Variants in RAB9B observed in about 807,000 individuals in gnomAD.
The protein encoded by RAB9B is RAB9B, member RAS oncogene family, also known as ras-related protein Rab-9B.
Under a neutral mutation model 8.9 loss-of-function variants are expected in RAB9B, and 1 was observed. The observed-to-expected ratio is 0.11, with a 90% CI of 0.04 to 0.53. The LOEUF is 0.53. Among genes scored for constraint, RAB9B ranks in the 20% least tolerant of loss-of-function variants. The pLI, the probability that RAB9B is intolerant of heterozygous loss-of-function variation, is 0.93. For synonymous variants in RAB9B, 63 were observed against 57.0 expected, an observed-to-expected ratio of 1.10 and a Z score of -0.47; for missense variants, 82 against 152.9, an observed-to-expected ratio of 0.54 and a Z score of 2.45.
chrX:103,805,177 T>C, the RAB9B span, among the ~76,000 whole-genome samples: 26 of 112,179 alleles, frequency 2.3e-4, no homozygotes, highest in African/African-American at 8.4e-4. Flanking sequence ...GGAAATTCCC[T>C]GTATTCCTAG....
chrX:103,806,760 A>G, the RAB9B span, among the ~76,000 whole-genome samples: 1 of 111,360 alleles, frequency 9.0e-6, no homozygotes, highest in Admixed American at 9.6e-5. Context: ...TTTTTGCATT[A>G]TGTATTTTGA....
chrX:103,793,352 A>G, the RAB9B span, among the ~76,000 whole-genome samples: 3 of 112,281 alleles, frequency 2.7e-5, no homozygotes, highest in East Asian at 8.4e-4. Flanking sequence ...CCATAGTTGC[A>G]GCTGGCAAAT....
At chrX:103,785,136 C>T in the RAB9B span, among the ~76,000 whole-genome samples, 21 of 110,258 alleles carry the variant, frequency 1.9e-4, no homozygotes, top group East Asian at 2.8e-4. Flanking sequence ...AGTACAATGG[C>T]GCAATCTTGG....
downstream of RAB9B, among the ~76,000 whole-genome samples, chrX:103,821,358 A>G (rs370034080): frequency 4.6e-5 from 5 of 109,343 alleles, no homozygotes; most frequent in East Asian, 1.4e-3. Context: ...GTGGCAAAAA[A>G]AAAAAAAAAA....
chrX:103,811,927 CTCT>C, the RAB9B span, among the ~76,000 whole-genome samples: 1 of 107,651 alleles, frequency 9.3e-6, no homozygotes, highest in East Asian at 3.0e-4. Context: ...GATAGCTACC[CTCT>C]TCTTGTATCC....
the RAB9B span, among the ~76,000 whole-genome samples, chrX:103,799,110 G>T: frequency 9.2e-6 from 1 of 108,789 alleles, no homozygotes; most frequent in Admixed American, 1.0e-4. Context: ...TGAATATAAT[G>T]TCAATATTTA....
At chrX:103,814,549 A>C in the RAB9B span, among the ~76,000 whole-genome samples, 19 of 111,305 alleles carry the variant, frequency 1.7e-4, no homozygotes, top group African/African-American at 6.2e-4. Context: ...AGAGCAAACA[A>C]ATTCAAAAGC....
the RAB9B span, among the ~76,000 whole-genome samples, chrX:103,790,247 A>C: frequency 8.9e-6 from 1 of 112,449 alleles, no homozygotes; most frequent in Non-Finnish European, 1.9e-5. Flanking sequence ...TTCCCTGAGG[A>C]AAACTCAGTG....
chrX:103,777,463 G>A, the RAB9B span, among the ~76,000 whole-genome samples: 4 of 112,065 alleles, frequency 3.6e-5, no homozygotes, highest in Non-Finnish European at 7.5e-5. Context: ...TGGGGATCGG[G>A]CAAGCTGGAC....
At chrX:103,827,137 G>C (rs1335386579) in intron 1 of RAB9B, 59 bp from the exon 2 acceptor site, 1 of 106,458 alleles carries the variant, frequency 9.4e-6, no homozygotes, top group Non-Finnish European at 1.9e-5. Flanking sequence ...TAACGTTAAG[G>C]CTCTATATAA....
the RAB9B span, among the ~76,000 whole-genome samples, chrX:103,813,122 C>T: frequency 2.7e-5 from 3 of 109,251 alleles, no homozygotes; most frequent in Non-Finnish European, 3.8e-5. Context: ...GGGGTTTCAC[C>T]GTGTTGGCCA....
At chrX:103,793,824 C>G in the RAB9B span, among the ~76,000 whole-genome samples, 1 of 111,803 alleles carries the variant, frequency 8.9e-6, no homozygotes, top group African/African-American at 3.3e-5. Flanking sequence ...AAAGAGCTCT[C>G]TTTGTGCTGA....
At position 103,825,242 on chromosome X, in the gene RAB9B, A is replaced by G. The variant is rs761814878; in HGVS notation, c.543T>C (p.His181=). The change falls in exon 3 of 3, where the codon CAT becomes CAC. Residue 181 remains histidine, a synonymous_variant. Coordinates refer to ENST00000243298, the MANE Select transcript of RAB9B (RefSeq NM_016370.4). ...QVLAVEEQLE[H]CMLGHTIDLN... is the part of the protein sequence containing the mutation. ...AGTCAATGGTGTGACCCAACATGCA[A>G]TGCTCCAGCTGTTCCTCTACAGCCA... is the stretch of plus-strand genomic sequence containing the variant. 8.3e-7 allele frequency: 1 copy of G among 1,211,191 alleles called. No homozygotes were observed. Among genetic ancestry groups the G allele is most frequent in the Non-Finnish European group, 1.1e-6 (1 of 895,246 alleles).
the RAB9B span, among the ~76,000 whole-genome samples, chrX:103,802,464 T>C: frequency 9.0e-6 from 1 of 111,623 alleles, no homozygotes; most frequent in African/African-American, 3.3e-5. Flanking sequence ...TACATAGAGT[T>C]TCTGATACAT....
the RAB9B span, among the ~76,000 whole-genome samples, chrX:103,803,833 C>G: frequency 8.9e-6 from 1 of 112,607 alleles, no homozygotes; most frequent in Non-Finnish European, 1.9e-5. Context: ...GCCTCAGACT[C>G]CCAAAGTGCT....
downstream of RAB9B, among the ~76,000 whole-genome samples, chrX:103,819,867 G>C (rs772191588): frequency 8.9e-6 from 1 of 112,162 alleles, no homozygotes; most frequent in East Asian, 2.8e-4. Flanking sequence ...TTTATCAAAA[G>C]GTGTATGCTA....
At chrX:103,798,851 A>G in the RAB9B span, among the ~76,000 whole-genome samples, 1 of 108,576 alleles carries the variant, frequency 9.2e-6, no homozygotes, top group African/African-American at 3.4e-5. Context: ...CATGTTGGCC[A>G]GGCTGGTCTC....
Position 103,825,452 on chromosome X carries a change from C to T in RAB9B, c.333G>A (p.Val111=), listed in dbSNP as rs767034137. The T allele has an allele frequency of 8.3e-7, 1 of 1,209,957 alleles. No individual in the cohort carries two copies. Among genetic ancestry groups the T allele is most frequent in the East Asian group, 3.0e-5 (1 of 33,805 alleles). Residue 111 remains valine (V), a synonymous_variant, in exon 3 of 3, where the codon GTG becomes GTA. Coordinates refer to ENST00000243298, the MANE Select transcript of RAB9B (RefSeq NM_016370.4). The stretch of plus-strand genomic sequence containing the variant: ...CAAAGGGGAAATGCTCAGGGTCCTT[C>T]ACATCCGCATAGTAAATAAATTCTT... The part of the protein sequence containing the change: ...WQKEFIYYAD[V]KDPEHFPFVV...
At chrX:103,784,082 T>C in the RAB9B span, among the ~76,000 whole-genome samples, 13 of 112,272 alleles carry the variant, frequency 1.2e-4, no homozygotes, top group African/African-American at 4.2e-4. Context: ...AGTCATCTAC[T>C]TGGCATTTGC....
Sources: gnomAD v4.1 joint callset for allele counts (sites outside exome capture counted in the v4.1 genomes callset) on GRCh38, gnomAD v4.1.1 for gene constraint, MANE v1.5 for transcripts, NCBI Gene and HGNC (gene_info 2026-07-23, HGNC 2026-07-21) for gene names.